HEATR5A: variants seen among roughly 807,000 people sequenced by gnomAD.
HEATR5A encodes the protein HEAT repeat containing 5A.
Under a neutral mutation model 218.8 loss-of-function variants are expected in HEATR5A, and 178 were observed. The observed-to-expected ratio is 0.81, with a 90% confidence interval of 0.72 to 0.92. HEATR5A has a LOEUF of 0.92. Ranked by LOEUF, HEATR5A falls within the 40% of genes least tolerant of loss-of-function variation. HEATR5A has a pLI of 0.00. For missense variants in HEATR5A, 2,420 were observed against 2,418.9 expected, an observed-to-expected ratio of 1.00 and a Z score of -0.01; for synonymous variants, 864 against 871.6, an observed-to-expected ratio of 0.99 and a Z score of 0.15.
chr14:31,387,509 G>T, intron 7 of HEATR5A, 134 bp from the exon 8 acceptor site: 1 of 734,790 alleles, frequency 1.4e-6, no homozygotes. Flanking sequence ...TATGCCACTT[G>T]AAATATACAA....
At position 31,383,789 on chromosome 14, in the gene HEATR5A, T is replaced by G. The variant is rs751693463; in HGVS notation, c.1346-18A>C. The G allele has an allele frequency of 6.2e-7, 1 of 1,606,202 alleles. No homozygotes were observed. On this transcript the variant is annotated intron_variant, in intron 9 of 35. Coordinates refer to ENST00000543095, the MANE Select transcript of HEATR5A (RefSeq NM_015473.4). ...AAGGAGACCTGGAAGGATAAACAAA[T>G]GATGACTTAGGTACATAGATAAAAC...
At chr14:31,356,056 G>A (rs569109607) in intron 16 of HEATR5A, among the ~76,000 whole-genome samples, 1 of 152,190 alleles carries the variant, frequency 6.6e-6, no homozygotes, top group East Asian at 1.9e-4. Flanking sequence ...CAAATGTAAG[G>A]CCAAAAAGCA....
Position 31,309,046 on chromosome 14 carries a change from T to C in HEATR5A, c.4578A>G (p.Ala1526=), listed in dbSNP as rs1384893060. ...GFVVADPDEG[A]SNLSRPVTPT... ...GTGTTACAGGCCTGGAGAGATTAGA[T>C]GCTCCTTCATCTGGGTCAGCAACAA... The change falls in exon 29 of 36, where the codon GCA becomes GCG. Residue 1526 remains alanine (A), a synonymous_variant. Transcript: ENST00000543095. The C allele has an allele frequency of 1.9e-6, 3 of 1,613,960 alleles. No individual in the cohort carries two copies. The highest frequency in any genetic ancestry group is 1.3e-5 in the African/African-American group (1 of 75,046).
At chr14:31,350,492 A>G in intron 17 of HEATR5A, 120 bp downstream of exon 17, 1 of 626,958 alleles carries the variant, frequency 1.6e-6, no homozygotes, top group Non-Finnish European at 2.8e-6. Context: ...TTTCATCAAG[A>G]GATTAAGAAA....
intron 6 of HEATR5A, among the ~76,000 whole-genome samples, chr14:31,391,748 C>A (rs2030462946): frequency 6.6e-6 from 1 of 152,154 alleles, no homozygotes; most frequent in Non-Finnish European, 1.5e-5. Context: ...CATATTTATA[C>A]TGTTCCTTTT....
chr14:31,382,051 C>T lies in HEATR5A; in HGVS notation c.1596+1470G>A, dbSNP rs572973287. ...GCTCATACAGTCAATGGATAGCACT[C>T]AAAAAGAGTGAGGACAAAACAAACC... On this transcript the variant is annotated intron_variant, in intron 10 of 35. Transcript: ENST00000543095. Among the ~76,000 whole-genome samples, 106 of 152,218 alleles carry T rather than the reference C, an allele frequency of 7.0e-4. 1 individual carries two copies. The Middle Eastern group carries it at 0.02, about 29-fold the overall frequency.
intron 28 of HEATR5A, among the ~76,000 whole-genome samples, chr14:31,312,256 T>C (rs1899779087): frequency 6.6e-6 from 1 of 152,182 alleles, no homozygotes; most frequent in Non-Finnish European, 1.5e-5. Context: ...GCAAAGATTA[T>C]GACTACATTA....
intron 19 of HEATR5A, among the ~76,000 whole-genome samples, chr14:31,346,310 T>C (rs896283937): frequency 1.3e-5 from 2 of 152,142 alleles, no homozygotes; most frequent in African/African-American, 4.8e-5. Context: ...AGAAGAAGAA[T>C]ATAATAGAAG....
At chr14:31,348,169 A>G (rs1901082264) in intron 18 of HEATR5A, among the ~76,000 whole-genome samples, 1 of 152,200 alleles carries the variant, frequency 6.6e-6, no homozygotes, top group South Asian at 2.1e-4. Context: ...ATATATATAC[A>G]TGAAGAAGGT....
intron 14 of HEATR5A, 42 bp downstream of exon 14, chr14:31,364,147 A>G: frequency 1.3e-6 from 1 of 796,436 alleles, no homozygotes; most frequent in Middle Eastern, 2.3e-4. Flanking sequence ...CAGAAACCAT[A>G]CTAGCCACAA....
intron 34 of HEATR5A, among the ~76,000 whole-genome samples, chr14:31,294,448 T>C (rs1379785544): frequency 7.1e-6 from 1 of 140,006 alleles, no homozygotes; most frequent in Non-Finnish European, 1.5e-5. Flanking sequence ...TTTTTTTGAG[T>C]GCCCAGGCTG....
At chr14:31,358,850 C>T (rs767208571) in intron 15 of HEATR5A, 38 bp from the exon 16 acceptor site, 3 of 1,608,970 alleles carry the variant, frequency 1.9e-6, no homozygotes, top group Non-Finnish European at 8.5e-7. Context: ...TTTAAAATCA[C>T]TGATCACAGA....
At chr14:31,312,883 GTA>G (rs1899801535) in intron 28 of HEATR5A, 83 bp downstream of exon 28, 1 of 1,146,728 alleles carries the variant, frequency 8.7e-7, no homozygotes, top group Non-Finnish European at 1.2e-6. Context: ...GGGAAACAAA[GTA>G]AGACCCTGTC....
At chr14:31,321,455 A>G (rs373151469) in intron 25 of HEATR5A, 44 bp downstream of exon 25, 2 of 1,462,020 alleles carry the variant, frequency 1.4e-6, no homozygotes, top group Non-Finnish European at 1.8e-6. Flanking sequence ...TAGACTTTTT[A>G]TCTGTGTGTT....
In HEATR5A at chr14:31,400,460, A is replaced by G. The variant is rs2030829076; in HGVS notation, c.179T>C (p.Leu60Ser). ...GGTAGGAGGCCCTGGGGAGCTGTTC[A>G]ACAAAGACAGGAGCTGTTCAACAAG... ...KTLVEQLLSL[L>S]NSSPGPPTRK... The change falls in exon 3 of 36, where the codon TTG becomes TCG. Residue 60 changes from leucine to serine, a missense_variant. Coordinates refer to ENST00000543095, the MANE Select transcript of HEATR5A (RefSeq NM_015473.4). The G allele has an allele frequency of 6.5e-7, 1 of 1,535,900 alleles. No individual in the cohort carries two copies. Among genetic ancestry groups the G allele is most frequent in the Non-Finnish European group, 8.7e-7 (1 of 1,146,842 alleles).
intron 9 of HEATR5A, among the ~76,000 whole-genome samples, chr14:31,385,618 T>C (rs2030186973): frequency 6.6e-6 from 1 of 152,060 alleles, no homozygotes; most frequent in African/African-American, 2.4e-5. Context: ...CTTCCTGGGG[T>C]AATGAAAAGA....
intron 32 of HEATR5A, among the ~76,000 whole-genome samples, chr14:31,303,500 C>CTGG (rs1555366005): frequency 7.9e-5 from 12 of 152,138 alleles, no homozygotes; most frequent in Non-Finnish European, 4.4e-5. Context: ...TAAGAAGCAT[C>CTGG]TACTAGGTAC....
At chr14:31,366,216 G>C (rs895017501) in intron 13 of HEATR5A, among the ~76,000 whole-genome samples, 1 of 152,216 alleles carries the variant, frequency 6.6e-6, no homozygotes, top group South Asian at 2.1e-4. Flanking sequence ...TGAGGATATG[G>C]TGAGCTATGA....
At chr14:31,389,648 T>G (rs2030369372) in intron 6 of HEATR5A, among the ~76,000 whole-genome samples, 2 of 151,866 alleles carry the variant, frequency 1.3e-5, no homozygotes, top group African/African-American at 2.4e-5. Flanking sequence ...GATAATATTA[T>G]CTCCCCAAAA....
Sources: allele counts gnomAD v4.1 joint callset (sites outside exome capture counted in the v4.1 genomes callset), GRCh38; gene constraint gnomAD v4.1.1; transcripts MANE v1.5; gene names NCBI Gene and HGNC (gene_info 2026-07-23, HGNC 2026-07-21).